The following ATG13 variants were observed in gnomAD, a reference collection of about 807,000 sequenced individuals.
ATG13 encodes the protein autophagy related 13.
Under a neutral mutation model 65.5 loss-of-function variants are expected in ATG13, and 23 were observed. The ratio of observed to expected loss-of-function variants is 0.35; its 90% CI spans 0.25 to 0.50. ATG13 has a LOEUF of 0.50. ATG13 is among the 20% of genes least tolerant of loss of function. The pLI is 0.98. For missense variants in ATG13, 566 were observed against 677.0 expected (o/e 0.84, Z 1.82); for synonymous variants, 252 against 245.2 (o/e 1.03, Z -0.26).
chr11:46,629,543 C>G (rs2050934313), intron 1 of ATG13, among the ~76,000 whole-genome samples: 1 of 151,418 alleles, frequency 6.6e-6, no homozygotes, highest in Admixed American at 6.6e-5. Flanking sequence ...ATTCCAGGAG[C>G]CCGCCATCAC....
intron 18 of ATG13, among the ~76,000 whole-genome samples, chr11:46,669,785 C>T (rs976018042): frequency 2.6e-5 from 4 of 152,100 alleles, no homozygotes; most frequent in Non-Finnish European, 5.9e-5. Flanking sequence ...CTGTGCCTGA[C>T]GTCTTCTCCT....
At chr11:46,664,586 C>T (rs764913027) in intron 12 of ATG13, among the ~76,000 whole-genome samples, 1 of 152,300 alleles carries the variant, frequency 6.6e-6, no homozygotes, top group Non-Finnish European at 1.5e-5. Context: ...CCTGGGAAAA[C>T]GGGGAGCAAG....
chr11:46,657,041 G>A (rs117856605), intron 8 of ATG13, 54 bp from the exon 9 acceptor site: 1 of 1,416,326 alleles, frequency 7.1e-7, no homozygotes, highest in Non-Finnish European at 1.0e-6. Flanking sequence ...GACGGTCTGG[G>A]GGCAGTGTCA....
At chr11:46,623,383 A>C (rs1039842657) in intron 1 of ATG13, among the ~76,000 whole-genome samples, 4 of 152,024 alleles carry the variant, frequency 2.6e-5, no homozygotes, top group Admixed American at 1.3e-4. Context: ...GTTTTTCTCC[A>C]CTCTATTATG....
At chr11:46,666,320 TC>T (rs972287885) in intron 14 of ATG13, among the ~76,000 whole-genome samples, 2 of 152,154 alleles carry the variant, frequency 1.3e-5, no homozygotes, top group African/African-American at 4.8e-5. Context: ...TTGGAGTCAG[TC>T]CTTAGTGTTT....
intron 2 of ATG13, among the ~76,000 whole-genome samples, chr11:46,639,032 G>C (rs2054984586): frequency 6.6e-6 from 1 of 151,672 alleles, no homozygotes; most frequent in African/African-American, 2.4e-5. Flanking sequence ...CTGTTGCCCT[G>C]GCTGGAGTGT....
At position 46,647,043 on chromosome 11, in the gene ATG13, G is replaced by A. The variant is rs986052467; in HGVS notation, c.270+1054G>A. ...TCAGAGTGCTGGGATTACAGGGGTC[G>A]TGGTTTTTGAACTTATTATTCCAAC... On this transcript the variant is annotated intron_variant, in intron 5 of 18. Coordinates refer to ENST00000683050, the MANE Select transcript of ATG13 (RefSeq NM_001346311.2). 5.3e-5 allele frequency among the ~76,000 whole-genome samples: 8 copies of A among 152,108 alleles called. No individual in the cohort carries two copies. In the East Asian group the frequency reaches 7.7e-4, roughly 15 times the overall value.
chr11:46,658,970 G>A lies in ATG13; in HGVS notation c.696-422G>A, dbSNP rs939301848. Reference sequence around the variant, plus strand: ...TTTGGGAGGCTGAGGCTGGAGGATTGCTTGAGCTTAGGAATTCAAGACCAG... The same window carrying A: ...TTTGGGAGGCTGAGGCTGGAGGATTACTTGAGCTTAGGAATTCAAGACCAG... On this transcript the variant is annotated intron_variant, in intron 10 of 18. Coordinates refer to ENST00000683050, the MANE Select transcript of ATG13 (RefSeq NM_001346311.2). 2.6e-5 allele frequency among the ~76,000 whole-genome samples: 4 copies of A among 152,268 alleles called. No homozygotes were observed. The South Asian group carries it at 8.3e-4, about 32-fold the overall frequency.
chr11:46,633,467 C>T (rs2052717511), intron 2 of ATG13, among the ~76,000 whole-genome samples: 1 of 151,858 alleles, frequency 6.6e-6, no homozygotes. Context: ...TGTGCCTCAG[C>T]CTCTTGAGTA....
chr11:46,645,332 T>A lies in ATG13; in HGVS notation c.70-7T>A, dbSNP rs763618977. 1.9e-6 allele frequency: 3 copies of A among 1,605,580 alleles called. No individual in the cohort carries two copies. The South Asian group carries it at 3.4e-5, about 18-fold the overall frequency. On this transcript the variant is annotated splice_region_variant and splice_polypyrimidine_tract_variant and intron_variant, in intron 3 of 18. Coordinates refer to ENST00000683050, the MANE Select transcript of ATG13 (RefSeq NM_001346311.2). Reference sequence around the variant, plus strand: ...TAGGATTTCTTTTGTGTTTTTTTTTTCTTTAGACTGTCCAAGTGATTGTCC... The same window carrying A: ...TAGGATTTCTTTTGTGTTTTTTTTTACTTTAGACTGTCCAAGTGATTGTCC...
At chr11:46,644,474 T>A in intron 3 of ATG13, 114 bp downstream of exon 3, 1 of 870,444 alleles carries the variant, frequency 1.1e-6, no homozygotes, top group Non-Finnish European at 1.8e-6. Flanking sequence ...TTGCCCATTT[T>A]AAGGGATACT....
intron 17 of ATG13, 92 bp from the exon 18 acceptor site, chr11:46,669,312 C>G: frequency 2.0e-6 from 3 of 1,481,754 alleles, no homozygotes; most frequent in Non-Finnish European, 2.8e-6. Context: ...CTGAAAGAAC[C>G]TTTTGATAAT....
intron 7 of ATG13, among the ~76,000 whole-genome samples, chr11:46,655,498 A>G (rs895447142): frequency 9.9e-5 from 15 of 152,028 alleles, no homozygotes; most frequent in Non-Finnish European, 7.4e-5. Flanking sequence ...GCTTGAACCC[A>G]GGAGGCTGGA....
chr11:46,623,065 C>T (rs2048286637), intron 1 of ATG13, among the ~76,000 whole-genome samples: 3 of 151,850 alleles, frequency 2.0e-5, no homozygotes, highest in Admixed American at 1.3e-4. Flanking sequence ...GAGGCCAAGG[C>T]GGGCGGATCA....
intron 9 of ATG13, 157 bp downstream of exon 9, chr11:46,657,348 G>T (rs1399717724): frequency 1.1e-6 from 1 of 912,844 alleles, no homozygotes; most frequent in Admixed American, 2.2e-5. Context: ...GAGAATTTGA[G>T]TGTCCCAGAG....
chr11:46,631,308 G>A (rs1432332360), intron 2 of ATG13, among the ~76,000 whole-genome samples: 3 of 152,078 alleles, frequency 2.0e-5, no homozygotes, highest in Non-Finnish European at 4.4e-5. Context: ...TGTCCACCTC[G>A]GCTTCCAAAG....
At chr11:46,637,717 T>C (rs925320719) in intron 2 of ATG13, among the ~76,000 whole-genome samples, 2 of 152,198 alleles carry the variant, frequency 1.3e-5, no homozygotes, top group South Asian at 2.1e-4. Context: ...AAGAGTCAGC[T>C]GTTATCATTT....
intron 2 of ATG13, among the ~76,000 whole-genome samples, chr11:46,635,933 ATTTC>A (rs1423433811): frequency 2.6e-5 from 4 of 152,034 alleles, no homozygotes; most frequent in Non-Finnish European, 4.4e-5. Context: ...CCTGCAGCGC[ATTTC>A]TTTCTTTCTT....
chr11:46,635,026 G>A (rs959304501), intron 2 of ATG13, among the ~76,000 whole-genome samples: 4 of 148,268 alleles, frequency 2.7e-5, no homozygotes, highest in Admixed American at 6.8e-5. Flanking sequence ...TTTTTTTTAA[G>A]TAGGGGTTTT....
Sources: gnomAD v4.1 joint callset for allele counts (sites outside exome capture counted in the v4.1 genomes callset) on GRCh38, gnomAD v4.1.1 for gene constraint, MANE v1.5 for transcripts, NCBI Gene and HGNC (gene_info 2026-07-23, HGNC 2026-07-21) for gene names.